The following SHISA6 variants were observed in gnomAD, a reference collection of about 807,000 sequenced individuals.
SHISA6 encodes protein shisa-6.
A neutral mutation model predicts 47.9 loss-of-function variants in SHISA6; 22 were observed. The observed-to-expected ratio is 0.46, with a 90% CI of 0.33 to 0.66. The LOEUF is 0.66. SHISA6 is among the 30% of genes least tolerant of loss of function. The probability of loss-of-function intolerance (pLI) is 0.02; values close to 1 mark genes in which losing one functional copy is unlikely to be tolerated. For missense variants in SHISA6, 680 were observed against 764.6 expected (o/e 0.89, Z 1.30); for synonymous variants, 388 against 337.8 (o/e 1.15, Z -1.63).
At chr17:11,244,622 G>C (rs1051589221) in intron 1 of SHISA6, among the ~76,000 whole-genome samples, 1 of 152,116 alleles carries the variant, frequency 6.6e-6, no homozygotes, top group Non-Finnish European at 1.5e-5. Flanking sequence ...ATCAAGGTAG[G>C]GAAAAGGAGG....
rs1039198901 is a variant in SHISA6, at chr17:11,445,660, C to T, written c.895+66151C>T. On this transcript the variant is annotated intron_variant, in intron 3 of 5. Transcript: ENST00000441885. Reference sequence around the variant, plus strand: ...GCACTATGCTAAGTATTGGTGATGCCGAGATCTGAAAGACACTGTCCTTGA... The same window carrying T: ...GCACTATGCTAAGTATTGGTGATGCTGAGATCTGAAAGACACTGTCCTTGA... 3.9e-5 allele frequency among the ~76,000 whole-genome samples: 6 copies of T among 152,134 alleles called. No individual in the cohort carries two copies. In the South Asian group the frequency reaches 6.2e-4, roughly 16 times the overall value.
intron 3 of SHISA6, among the ~76,000 whole-genome samples, chr17:11,519,502 AAG>A (rs1355745088): frequency 6.6e-6 from 1 of 152,206 alleles, no homozygotes; most frequent in African/African-American, 2.4e-5. Flanking sequence ...GGGAGGAATG[AAG>A]AGTTGTTGTT....
chr17:11,555,686 C>T (rs1399286579), intron 4 of SHISA6, 54 bp from the exon 5 acceptor site: 2 of 1,457,978 alleles, frequency 1.4e-6, no homozygotes, highest in African/African-American at 2.9e-5. Context: ...AGAAAGCACA[C>T]CTGCCACAGA....
chr17:11,525,652 CAAAAAAA>C (rs371530736), intron 3 of SHISA6, among the ~76,000 whole-genome samples: 51 of 104,274 alleles, frequency 4.9e-4, no homozygotes, highest in African/African-American at 1.8e-3. Flanking sequence ...AAAAAAAAAA[CAAAAAAA>C]AAAAAACGTG....
chr17:11,471,188 G>A (rs918450924), intron 3 of SHISA6, among the ~76,000 whole-genome samples: 16 of 136,768 alleles, frequency 1.2e-4, no homozygotes, highest in Admixed American at 8.2e-5. Flanking sequence ...CAGCCAGGTC[G>A]ACAGAGTGAG....
chr17:11,254,593 G>C (rs1056606630), intron 1 of SHISA6, among the ~76,000 whole-genome samples: 1 of 152,182 alleles, frequency 6.6e-6, no homozygotes, highest in African/African-American at 2.4e-5. Flanking sequence ...ACAGCAAGTG[G>C]CCATCCATGC....
intron 3 of SHISA6, among the ~76,000 whole-genome samples, chr17:11,471,069 C>T (rs531653522): frequency 4.7e-4 from 72 of 152,106 alleles, no homozygotes; most frequent in Admixed American, 2.0e-3. Flanking sequence ...ATTACCTGGG[C>T]GTGGTGGCGC....
chr17:11,336,612 G>A (rs1159291435), intron 2 of SHISA6, among the ~76,000 whole-genome samples: 7 of 152,114 alleles, frequency 4.6e-5, no homozygotes, highest in Admixed American at 4.6e-4. Context: ...ATGAGGAGGG[G>A]GCAGGGAAGA....
At chr17:11,456,153 C>A (rs1275162684) in intron 3 of SHISA6, among the ~76,000 whole-genome samples, 1 of 152,158 alleles carries the variant, frequency 6.6e-6, no homozygotes, top group Non-Finnish European at 1.5e-5. Flanking sequence ...TTACTAAATG[C>A]ACATTTTCAA....
At chr17:11,258,497 C>T (rs934704000) in intron 1 of SHISA6, among the ~76,000 whole-genome samples, 1 of 152,070 alleles carries the variant, frequency 6.6e-6, no homozygotes, top group Admixed American at 6.6e-5. Flanking sequence ...ATCTGTTCAG[C>T]GAATGAAGAT....
chr17:11,369,034 A>T (rs1009540506), intron 2 of SHISA6, among the ~76,000 whole-genome samples: 2 of 152,232 alleles, frequency 1.3e-5, no homozygotes, highest in African/African-American at 4.8e-5. Flanking sequence ...AAGATAATTT[A>T]GAAAGCATGA....
chr17:11,410,131 A>G (rs1914075167), intron 3 of SHISA6, among the ~76,000 whole-genome samples: 1 of 152,212 alleles, frequency 6.6e-6, no homozygotes, highest in Non-Finnish European at 1.5e-5. Flanking sequence ...CCTGAATCTC[A>G]GATTGCTCTT....
intron 3 of SHISA6, among the ~76,000 whole-genome samples, chr17:11,483,300 TAAA>T (rs59166425): frequency 7.2e-6 from 1 of 138,672 alleles, no homozygotes; most frequent in Non-Finnish European, 1.6e-5. Flanking sequence ...AAACTCCGTC[TAAA>T]AAAAAAAAAA....
intron 1 of SHISA6, among the ~76,000 whole-genome samples, chr17:11,253,909 G>A (rs1002537775): frequency 2.6e-5 from 4 of 151,994 alleles, no homozygotes; most frequent in African/African-American, 7.2e-5. Context: ...AAACTTGTCC[G>A]GACTTCGAGC....
At chr17:11,389,925 G>A (rs1420134913) in intron 3 of SHISA6, among the ~76,000 whole-genome samples, 1 of 152,196 alleles carries the variant, frequency 6.6e-6, no homozygotes, top group Admixed American at 6.5e-5. Context: ...TGGTAGGAAT[G>A]GCTTCTCTAT....
chr17:11,300,669 C>CTTTTTT (rs201580011), intron 2 of SHISA6, among the ~76,000 whole-genome samples: 4 of 136,248 alleles, frequency 2.9e-5, no homozygotes, highest in East Asian at 2.1e-4. Flanking sequence ...TTTTCTTTTT[C>CTTTTTT]TTTTTTTTTT....
At chr17:11,488,464 G>C (rs191423794) in intron 3 of SHISA6, among the ~76,000 whole-genome samples, 1 of 152,226 alleles carries the variant, frequency 6.6e-6, no homozygotes, top group East Asian at 1.9e-4. Context: ...GACTCTTTCA[G>C]CTTCACAAGA....
At chr17:11,263,056 C>G (rs902477740) in intron 1 of SHISA6, among the ~76,000 whole-genome samples, 1 of 152,166 alleles carries the variant, frequency 6.6e-6, no homozygotes, top group Admixed American at 6.5e-5. Context: ...GCTATAGATA[C>G]CTGCCTGGCA....
At chr17:11,438,530 CTGTT>C (rs1456938624) in intron 3 of SHISA6, among the ~76,000 whole-genome samples, 2 of 152,170 alleles carry the variant, frequency 1.3e-5, no homozygotes, top group African/African-American at 2.4e-5. Flanking sequence ...GGACTTTCCT[CTGTT>C]TGTGCTGGGA....
Sources: allele counts gnomAD v4.1 joint callset (sites outside exome capture counted in the v4.1 genomes callset), GRCh38; gene constraint gnomAD v4.1.1; transcripts MANE v1.5; gene names NCBI Gene and HGNC (gene_info 2026-07-23, HGNC 2026-07-21).